The following PIK3C2G variants were observed in gnomAD, a reference collection of about 807,000 sequenced individuals.
PIK3C2G encodes phosphatidylinositol 3-kinase C2 domain-containing subunit gamma.
PIK3C2G carries 168 observed loss-of-function variants against 181.1 expected under a neutral mutation model. The observed-to-expected ratio is 0.93, with a 90% CI of 0.82 to 1.05. The LOEUF (loss-of-function observed/expected upper bound fraction) is 1.05, where lower values mean the gene tolerates loss of function less well. Ranked by LOEUF, PIK3C2G falls within the 50% of genes least tolerant of loss-of-function variation. PIK3C2G has a pLI of 0.00. For missense variants in PIK3C2G, 1,869 were observed against 1,732.8 expected (o/e 1.08, Z -1.40); for synonymous variants, 573 against 592.2 (o/e 0.97, Z 0.47).
chr12:18,448,130 G>A (rs1018019970), intron 18 of PIK3C2G, among the ~76,000 whole-genome samples: 12 of 152,000 alleles, frequency 7.9e-5, no homozygotes, highest in Non-Finnish European at 1.5e-4. Flanking sequence ...AATTGTTAGA[G>A]CAAAAAGTGC....
rs140209334 is a variant in PIK3C2G at position 18,354,851 on chromosome 12, T to A, written c.1626-7913T>A. 3.3e-3 allele frequency among the ~76,000 whole-genome samples: 508 copies of A among 152,286 alleles called. 3 individuals are homozygous for A. The highest frequency in any genetic ancestry group is 0.011 in the African/African-American group (478 of 41,568). On this transcript the variant is annotated intron_variant, in intron 11 of 32. Transcript: ENST00000538779. Reference sequence around the variant, plus strand: ...TTCCTTCTTTCAGCAAAAACTCAGATGTGAGGGAGGGGAAGCAGGCATCGC... The same window carrying A: ...TTCCTTCTTTCAGCAAAAACTCAGAAGTGAGGGAGGGGAAGCAGGCATCGC...
At position 18,544,737 on chromosome 12, in the gene PIK3C2G, G is replaced by A. The variant is rs74848203; in HGVS notation, c.3481-1586G>A. Among the ~76,000 whole-genome samples, 879 of 151,966 alleles carry A rather than the reference G, an allele frequency of 5.8e-3. 1 individual carries two copies. Among genetic ancestry groups the A allele is most frequent in the Middle Eastern group, 0.01 (3 of 294 alleles). Reference sequence around the variant, plus strand: ...ATGTCATGAGTTTAAGATGCTAATAGATCATCCAGGAGGATAGAGAGTTGA... The same window carrying A: ...ATGTCATGAGTTTAAGATGCTAATAAATCATCCAGGAGGATAGAGAGTTGA... On this transcript the variant is annotated intron_variant, in intron 25 of 32. Coordinates refer to ENST00000538779, the MANE Select transcript of PIK3C2G (RefSeq NM_001288772.2).
chr12:18,426,698 G>A (rs1001175960), intron 18 of PIK3C2G, among the ~76,000 whole-genome samples: 5 of 152,144 alleles, frequency 3.3e-5, no homozygotes, highest in East Asian at 1.9e-4. Context: ...TCATTTTGGA[G>A]TGTCATATTT....
chr12:18,285,281 C>G (rs943822991), intron 2 of PIK3C2G: 2 of 151,812 alleles, frequency 1.3e-5, no homozygotes, highest in African/African-American at 4.8e-5. Flanking sequence ...AGTTTCAAAA[C>G]CAAAAACAAA....
intron 18 of PIK3C2G, among the ~76,000 whole-genome samples, chr12:18,440,928 A>G (rs12821366): frequency 0.072 from 11,015 of 152,206 alleles, 542 homozygotes; most frequent in Non-Finnish European, 0.11. Context: ...ATCAACATAT[A>G]CGTAAGGTTC....
the PIK3C2G span, among the ~76,000 whole-genome samples, chr12:18,659,891 G>A: frequency 0.013 from 1,995 of 152,160 alleles, 52 homozygotes; most frequent in African/African-American, 0.046. Flanking sequence ...TATAAGAAAT[G>A]CTAAAGGGAG....
chr12:18,701,975 C>T, the PIK3C2G span, among the ~76,000 whole-genome samples: 1 of 152,000 alleles, frequency 6.6e-6, no homozygotes, highest in Non-Finnish European at 1.5e-5. Context: ...TTGTAATTCA[C>T]CAAAAAATAA....
At chr12:18,421,603 AT>A (rs1238008318) in intron 17 of PIK3C2G, among the ~76,000 whole-genome samples, 1 of 152,088 alleles carries the variant, frequency 6.6e-6, no homozygotes, top group Non-Finnish European at 1.5e-5. Context: ...AAACAAGTAA[AT>A]TAAACATGCC....
intron 1 of PIK3C2G, among the ~76,000 whole-genome samples, chr12:18,255,769 G>A (rs1948140374): frequency 6.6e-6 from 1 of 152,260 alleles, no homozygotes; most frequent in South Asian, 2.1e-4. Flanking sequence ...AAAATACTGT[G>A]GAACAACTTG....
chr12:18,696,539 T>A, the PIK3C2G span, among the ~76,000 whole-genome samples: 1 of 151,746 alleles, frequency 6.6e-6, no homozygotes, highest in African/African-American at 2.4e-5. Context: ...ATTGATTAGA[T>A]AATTTATATA....
intron 13 of PIK3C2G, among the ~76,000 whole-genome samples, chr12:18,375,692 A>G (rs1040921258): frequency 4.6e-5 from 7 of 152,238 alleles, no homozygotes; most frequent in African/African-American, 1.7e-4. Context: ...TCTCAAAGGC[A>G]TTTCAGAGAT....
intron 4 of PIK3C2G, among the ~76,000 whole-genome samples, chr12:18,292,908 G>T (rs1419347344): frequency 6.6e-6 from 1 of 152,116 alleles, no homozygotes; most frequent in Non-Finnish European, 1.5e-5. Context: ...ACAGGCCTTG[G>T]AGTAAACAGA....
intron 24 of PIK3C2G, among the ~76,000 whole-genome samples, chr12:18,513,262 C>A (rs889156506): frequency 6.6e-6 from 1 of 151,494 alleles, no homozygotes; most frequent in African/African-American, 2.4e-5. Flanking sequence ...ATTTTCTTTT[C>A]TTGTAGTGTG....
chr12:18,256,165 C>T (rs910109333), intron 1 of PIK3C2G, among the ~76,000 whole-genome samples: 6 of 152,032 alleles, frequency 3.9e-5, no homozygotes, highest in East Asian at 3.9e-4. Context: ...TTTGGAGCTG[C>T]GCATATTTTG....
In PIK3C2G at chr12:18,391,207, G is replaced by C. The variant is rs966839683; in HGVS notation, c.2081G>C (p.Cys694Ser). ...AATCTTGAAGAGCCACTAAAGGAGT[G>C]TATAAAACATATTGCCAGACTTTCA... ...RSNLEEPLKE[C>S]IKHIARLSQK... The change falls in exon 15 of 33, where the codon TGT becomes TCT. Residue 694 changes from cysteine to serine, a missense_variant. Transcript: ENST00000538779. The C allele has an allele frequency of 6.2e-7, 1 of 1,606,506 alleles. No homozygotes were observed. Among genetic ancestry groups the C allele is most frequent in the Non-Finnish European group, 8.5e-7 (1 of 1,176,052 alleles).
In PIK3C2G at chr12:18,325,084, C is replaced by A; in HGVS notation, c.1258C>A (p.Leu420Ile). The A allele has an allele frequency of 6.4e-7, 1 of 1,556,960 alleles. No individual in the cohort carries two copies. Among genetic ancestry groups the A allele is most frequent in the South Asian group, 1.1e-5 (1 of 88,374 alleles). ...AAAATATGACTTCCACCTGAAATAC[C>A]TATTGAAAACCCAGGTATTGACTTT... is the stretch of plus-strand genomic sequence containing the variant. Reference protein sequence around the residue: ...IRKYDFHLKYLLKTQENVYNI... With the variant: ...IRKYDFHLKYILKTQENVYNI... The change falls in exon 8 of 33, where the codon CTA becomes ATA. Residue 420 changes from leucine to isoleucine, a missense_variant. Leu to Ile is a conservative substitution (Grantham distance 5). Transcript: ENST00000538779.
At chr12:18,704,090 T>C in the PIK3C2G span, among the ~76,000 whole-genome samples, 1 of 152,118 alleles carries the variant, frequency 6.6e-6, no homozygotes, top group South Asian at 2.1e-4. Context: ...GGCTAAAGAA[T>C]GTGGTGTTAC....
At chr12:18,390,176 G>A (rs1458330847) in intron 14 of PIK3C2G, among the ~76,000 whole-genome samples, 1 of 152,068 alleles carries the variant, frequency 6.6e-6, no homozygotes, top group African/African-American at 2.4e-5. Flanking sequence ...AGAGGTTATA[G>A]AATGAAATTA....
intron 12 of PIK3C2G, among the ~76,000 whole-genome samples, chr12:18,366,045 C>G (rs1941620580): frequency 6.6e-6 from 1 of 152,166 alleles, no homozygotes; most frequent in South Asian, 2.1e-4. Flanking sequence ...TTATAATGGT[C>G]TCCCTACTTC....
Sources: gnomAD v4.1 joint callset for allele counts (sites outside exome capture counted in the v4.1 genomes callset) on GRCh38, gnomAD v4.1.1 for gene constraint, MANE v1.5 for transcripts, NCBI Gene and HGNC (gene_info 2026-07-23, HGNC 2026-07-21) for gene names.